OPCML: variants seen among roughly 807,000 people sequenced by gnomAD.
OPCML encodes the protein opioid-binding protein/cell adhesion molecule.
A neutral mutation model predicts 37.8 loss-of-function variants in OPCML; 13 were observed. The ratio of observed to expected loss-of-function variants is 0.34; its 90% CI spans 0.22 to 0.55. The LOEUF (loss-of-function observed/expected upper bound fraction) is 0.55, where lower values mean the gene tolerates loss of function less well. Among genes scored for constraint, OPCML ranks in the 20% least tolerant of loss-of-function variants. OPCML has a pLI of 0.91. For synonymous variants in OPCML, 176 were observed against 168.8 expected (o/e 1.04, Z -0.33); for missense variants, 341 against 435.6 (o/e 0.78, Z 1.93).
At chr11:133,182,231 A>C (rs925076311) in intron 1 of OPCML, among the ~76,000 whole-genome samples, 9 of 152,230 alleles carry the variant, frequency 5.9e-5, no homozygotes, top group African/African-American at 2.2e-4. Flanking sequence ...TAACCTTCTG[A>C]GAGATGGCTA....
At chr11:132,878,043 G>A (rs552493183) in intron 2 of OPCML, among the ~76,000 whole-genome samples, 4 of 152,298 alleles carry the variant, frequency 2.6e-5, no homozygotes, top group Non-Finnish European at 5.9e-5. Flanking sequence ...TTAGCTGGCT[G>A]TGGTGGCACA....
intron 1 of OPCML, among the ~76,000 whole-genome samples, chr11:133,335,410 C>T (rs146178463): frequency 6.6e-5 from 10 of 152,210 alleles, no homozygotes; most frequent in Non-Finnish European, 1.0e-4. Context: ...CAAGACAAGG[C>T]GGACTTCAAT....
chr11:133,319,897 G>GA (rs1280254659), intron 1 of OPCML, among the ~76,000 whole-genome samples: 5 of 152,278 alleles, frequency 3.3e-5, no homozygotes, highest in Middle Eastern at 3.4e-3. Context: ...GAGTAGTTCA[G>GA]AAAAAACAGA....
intron 1 of OPCML, among the ~76,000 whole-genome samples, chr11:133,084,758 G>A (rs1948793949): frequency 1.3e-5 from 2 of 152,158 alleles, no homozygotes; most frequent in African/African-American, 4.8e-5. Flanking sequence ...TATATCTGTG[G>A]TTTTTATAAT....
At chr11:132,669,309 G>A (rs978033146) in intron 2 of OPCML, among the ~76,000 whole-genome samples, 3 of 152,022 alleles carry the variant, frequency 2.0e-5, no homozygotes, top group Non-Finnish European at 4.4e-5. Context: ...GGAGTGATGG[G>A]AATCAGATCA....
At chr11:132,424,443 T>G (rs907970447) in intron 7 of OPCML, among the ~76,000 whole-genome samples, 2 of 152,116 alleles carry the variant, frequency 1.3e-5, no homozygotes, top group Non-Finnish European at 2.9e-5. Context: ...TAATGACATA[T>G]TCTATTCCAG....
intron 2 of OPCML, among the ~76,000 whole-genome samples, chr11:132,901,254 C>T (rs1268623784): frequency 6.6e-6 from 1 of 152,158 alleles, no homozygotes; most frequent in East Asian, 1.9e-4. Context: ...TTATCATAGG[C>T]TCAGTGTGCA....
chr11:132,560,741 G>T (rs943091336), intron 3 of OPCML, among the ~76,000 whole-genome samples: 1 of 152,198 alleles, frequency 6.6e-6, no homozygotes, highest in Non-Finnish European at 1.5e-5. Flanking sequence ...CTTGAGAACT[G>T]TCTATTCATG....
intron 1 of OPCML, among the ~76,000 whole-genome samples, chr11:133,466,397 G>A (rs1946977500): frequency 6.6e-6 from 1 of 152,218 alleles, no homozygotes; most frequent in Non-Finnish European, 1.5e-5. Context: ...ACTCATTGTT[G>A]TTATGGTGAT....
In OPCML at chr11:132,726,605, G is replaced by A. The variant is rs868417700; in HGVS notation, c.147-69286C>T. Among the ~76,000 whole-genome samples, 5 of 151,946 alleles carry A rather than the reference G, an allele frequency of 3.3e-5. No individual in the cohort carries two copies. The South Asian group carries it at 1.0e-3, about 32-fold the overall frequency. On this transcript the variant is annotated intron_variant, in intron 2 of 7. Coordinates refer to ENST00000524381, the MANE Select transcript of OPCML (RefSeq NM_001012393.5). ...TGAGAGATTATTTCCAGTTACAAAA[G>A]AAATATTGAACTGATTCCTTGTAGA...
At chr11:132,474,081 G>A (rs2096146753) in intron 4 of OPCML, among the ~76,000 whole-genome samples, 1 of 152,138 alleles carries the variant, frequency 6.6e-6, no homozygotes, top group Non-Finnish European at 1.5e-5. Flanking sequence ...AGAGGAGCCT[G>A]CTCGGGCCTG....
At chr11:132,953,474 C>G (rs371674254) in intron 1 of OPCML, among the ~76,000 whole-genome samples, 1 of 152,186 alleles carries the variant, frequency 6.6e-6, no homozygotes, top group East Asian at 1.9e-4. Context: ...ATAAAGGGAC[C>G]GATTTCCGCA....
intron 2 of OPCML, among the ~76,000 whole-genome samples, chr11:132,852,878 T>A (rs1941876843): frequency 6.6e-6 from 1 of 151,796 alleles, no homozygotes; most frequent in East Asian, 1.9e-4. Context: ...CTGAGATCTT[T>A]TATTGAAAAA....
At chr11:133,048,155 A>G (rs1441161010) in intron 1 of OPCML, among the ~76,000 whole-genome samples, 2 of 152,128 alleles carry the variant, frequency 1.3e-5, no homozygotes, top group Admixed American at 6.5e-5. Context: ...ACTAATACTT[A>G]CAAAAAACTT....
chr11:132,619,732 G>T (rs913499837), intron 3 of OPCML, among the ~76,000 whole-genome samples: 95 of 149,846 alleles, frequency 6.3e-4, no homozygotes, highest in African/African-American at 1.9e-3. Flanking sequence ...GGCGCCTGTA[G>T]TCCCAGCTAC....
chr11:132,511,458 G>A (rs2096268730), intron 4 of OPCML, among the ~76,000 whole-genome samples: 1 of 151,796 alleles, frequency 6.6e-6, no homozygotes, highest in South Asian at 2.1e-4. Flanking sequence ...GACATAGATT[G>A]GCCACTATTT....
At position 133,222,975 on chromosome 11, in the gene OPCML, G is replaced by C. The variant is rs902349571; in HGVS notation, c.62-279965C>G. 5.3e-5 allele frequency among the ~76,000 whole-genome samples: 8 copies of C among 152,090 alleles called. No individual in the cohort carries two copies. In the East Asian group the frequency reaches 5.8e-4, roughly 11 times the overall value. ...TGTGTACTTGGGACATTTAGATTTCGCTTGCAGAATCCCACATCTCCCACC... is the reference window on the plus strand; with the variant it reads ...TGTGTACTTGGGACATTTAGATTTCCCTTGCAGAATCCCACATCTCCCACC... On this transcript the variant is annotated intron_variant, in intron 1 of 7. Transcript: ENST00000524381.
intron 2 of OPCML, among the ~76,000 whole-genome samples, chr11:132,662,465 C>T (rs1942023664): frequency 6.7e-6 from 1 of 149,316 alleles, no homozygotes; most frequent in Admixed American, 6.7e-5. Context: ...GGAGTGAGTG[C>T]CTAAGGTGCA....
intron 1 of OPCML, among the ~76,000 whole-genome samples, chr11:133,016,730 A>C (rs781526539): frequency 1.6e-4 from 25 of 152,174 alleles, no homozygotes; most frequent in Non-Finnish European, 1.6e-4. Flanking sequence ...GGAGAGAGAG[A>C]AGGGATGTCT....
Sources: allele counts gnomAD v4.1 joint callset (sites outside exome capture counted in the v4.1 genomes callset), GRCh38; gene constraint gnomAD v4.1.1; transcripts MANE v1.5; gene names NCBI Gene and HGNC (gene_info 2026-07-23, HGNC 2026-07-21).